Variants in PDE1C observed in about 807,000 individuals in gnomAD.
The protein encoded by PDE1C is phosphodiesterase 1C.
PDE1C carries 62 observed loss-of-function variants against 93.1 expected under a neutral mutation model. That is an observed-to-expected ratio of 0.67 (90% confidence interval 0.54 to 0.82). The LOEUF (loss-of-function observed/expected upper bound fraction) is 0.82. PDE1C is among the 40% of genes least tolerant of loss of function. PDE1C has a pLI of 0.00. For missense variants in PDE1C, 742 were observed against 884.6 expected (o/e 0.84, Z 2.04); for synonymous variants, 325 against 310.1 (o/e 1.05, Z -0.50).
chr7:32,271,055 T>C (rs1395959754), intron 1 of PDE1C, among the ~76,000 whole-genome samples: 2 of 152,072 alleles, frequency 1.3e-5, no homozygotes, highest in Non-Finnish European at 2.9e-5. Context: ...GGAGAATCAC[T>C]TGAACCCAGG....
rs1583449896 is a variant in PDE1C, at chr7:31,815,802, C to T, written c.1813+122G>A. ...CCCAATGAGGTGGGATCAGAAGGAA[C>T]TGGATGAGCAGGGAAGCCTTGCCCT... On this transcript the variant is annotated intron_variant, in intron 15 of 17. Coordinates refer to ENST00000396191, the MANE Select transcript of PDE1C (RefSeq NM_001191057.4). The T allele has an allele frequency of 5.4e-6, 4 of 740,058 alleles. No individual in the cohort carries two copies. In the East Asian group the frequency reaches 7.4e-5, roughly 14 times the overall value. 45.8% of individuals were successfully genotyped at this position (740,058 alleles called of 1,614,324 possible).
rs564188518 is a variant in PDE1C at position 31,823,600 on chromosome 7, C to T, written c.1407-352G>A. On this transcript the variant is annotated intron_variant, in intron 13 of 17. Coordinates refer to ENST00000396191, the MANE Select transcript of PDE1C (RefSeq NM_001191057.4). ...GAACTGGGACATCTACTTAATTCCA[C>T]AGTTCACCTACCTGCTTCCACACTG... 3.6e-4 allele frequency among the ~76,000 whole-genome samples: 55 copies of T among 152,226 alleles called. No homozygotes were observed. In the South Asian group the frequency reaches 9.5e-3, roughly 26 times the overall value.
rs1416281357 is a variant in PDE1C at position 31,887,416 on chromosome 7, A to G, written c.129-6556T>C. Among the ~76,000 whole-genome samples, 4 of 152,346 alleles carry G rather than the reference A, an allele frequency of 2.6e-5. No homozygotes were observed. In the East Asian group the frequency reaches 7.7e-4, roughly 29 times the overall value. ...GTTTCTAATTACATCTGCTTAAAGC[A>G]GATGCACACATGGATTGAAATAAAT... On this transcript the variant is annotated intron_variant, in intron 2 of 17. Coordinates refer to ENST00000396191, the MANE Select transcript of PDE1C (RefSeq NM_001191057.4).
intron 16 of PDE1C, among the ~76,000 whole-genome samples, chr7:31,781,799 A>G (rs920153480): frequency 2.0e-5 from 3 of 150,898 alleles, no homozygotes; most frequent in Non-Finnish European, 4.4e-5. Flanking sequence ...TACAACCACC[A>G]TCAATACTAG....
chr7:32,298,042 C>CTCTG (rs1562660469), intron 1 of PDE1C, among the ~76,000 whole-genome samples: 9 of 70,316 alleles, frequency 1.3e-4, no homozygotes, highest in South Asian at 7.0e-4. Context: ...CTCTCTCTCT[C>CTCTG]TCTCTCTCTC....
chr7:32,056,862 A>G (rs1794192794), intron 1 of PDE1C, among the ~76,000 whole-genome samples: 2 of 152,310 alleles, frequency 1.3e-5, no homozygotes, highest in South Asian at 4.2e-4. Flanking sequence ...TTATCTTGGA[A>G]CACTTGAACC....
chr7:32,103,114 T>C, intron 3 of PDE1C, among the ~76,000 whole-genome samples: 1 of 152,088 alleles, frequency 6.6e-6, no homozygotes, highest in East Asian at 1.9e-4. Context: ...CAGAGTTTTA[T>C]CACCTCAACT....
At chr7:32,080,584 C>A (rs973417603) in intron 3 of PDE1C, among the ~76,000 whole-genome samples, 4 of 152,172 alleles carry the variant, frequency 2.6e-5, no homozygotes, top group Non-Finnish European at 5.9e-5. Context: ...TTTCAGCTAT[C>A]TGGCGGAGAA....
At chr7:32,387,691 ACCTC>A (rs1784662941) in intron 1 of PDE1C, among the ~76,000 whole-genome samples, 1 of 80,400 alleles carries the variant, frequency 1.2e-5, no homozygotes, top group East Asian at 4.0e-4. Flanking sequence ...GACCCCCCCC[ACCTC>A]CCTCCCGGAC....
Position 31,967,105 on chromosome 7 carries a change from A to C in PDE1C, c.128+84449T>G, listed in dbSNP as rs575314460. On this transcript the variant is annotated intron_variant, in intron 2 of 17. Transcript: ENST00000396191. ...GCTAGCAGAAGGCAAGAATTAACTA[A>C]GATCAGAGCAGAACTGAAGGAAATA... is the stretch of plus-strand genomic sequence containing the variant. Among the ~76,000 whole-genome samples, 3 of 152,344 alleles carry C rather than the reference A, an allele frequency of 2.0e-5. No individual in the cohort carries two copies. The East Asian group carries it at 5.8e-4, about 29-fold the overall frequency.
chr7:32,063,681 AAT>A, intron 1 of PDE1C, among the ~76,000 whole-genome samples: 1 of 152,326 alleles, frequency 6.6e-6, no homozygotes, highest in African/African-American at 2.4e-5. Context: ...TTTCCCCTTT[AAT>A]ATACATTAAG....
chr7:32,340,127 G>A (rs1206807287), intron 1 of PDE1C, among the ~76,000 whole-genome samples: 1 of 152,086 alleles, frequency 6.6e-6, no homozygotes, highest in Non-Finnish European at 1.5e-5. Flanking sequence ...TACCAGAGTG[G>A]GAGCATTAAA....
In PDE1C at chr7:32,420,122, TATACACAC is replaced by T. The variant is rs1381295800; in HGVS notation, c.310+7692_310+7699del. On this transcript the variant is annotated intron_variant, in intron 1 of 1. Transcript: ENST00000672256. ...ATATATATATATATATATATATATA[TATACACAC>T]ACACACACACACACACACACACACA... Among the ~76,000 whole-genome samples, 20 of 19,564 alleles carry T rather than the reference TATACACAC, an allele frequency of 1.0e-3. 1 individual carries two copies. In the South Asian group the frequency reaches 0.01, roughly 10 times the overall value. The allele number at this position is 19,564 out of a possible 152,430, so 12.8% of individuals were successfully genotyped here.
chr7:31,815,903 C>T (rs372289304), intron 15 of PDE1C, 21 bp downstream of exon 15: 19 of 1,533,402 alleles, frequency 1.2e-5, no homozygotes, highest in Non-Finnish European at 1.6e-5. Context: ...AAGAGCCCTT[C>T]ACCAGTGTAA....
intron 17 of PDE1C, among the ~76,000 whole-genome samples, chr7:31,755,628 C>T (rs2128598776): frequency 6.6e-6 from 1 of 151,938 alleles, no homozygotes; most frequent in South Asian, 2.1e-4. Context: ...ACAAAGGAGC[C>T]CTGAATGAAA....
intron 1 of PDE1C, among the ~76,000 whole-genome samples, chr7:32,396,442 C>A (rs1784840992): frequency 6.6e-6 from 1 of 151,076 alleles, no homozygotes; most frequent in Non-Finnish European, 1.5e-5. Context: ...CATGCCACTG[C>A]ACTCCAGCCT....
At chr7:32,396,398 A>G (rs1784839978) in intron 1 of PDE1C, among the ~76,000 whole-genome samples, 1 of 152,162 alleles carries the variant, frequency 6.6e-6, no homozygotes, top group Admixed American at 6.5e-5. Flanking sequence ...GGATCACTTG[A>G]GCCCAGGAGG....
intron 2 of PDE1C, among the ~76,000 whole-genome samples, chr7:31,927,937 A>T (rs1181414120): frequency 6.6e-6 from 1 of 152,154 alleles, no homozygotes; most frequent in African/African-American, 2.4e-5. Context: ...ATGGAGAATG[A>T]GTTTGACGAA....
chr7:31,655,379 C>T, the PDE1C span, among the ~76,000 whole-genome samples: 1 of 152,170 alleles, frequency 6.6e-6, no homozygotes, highest in African/African-American at 2.4e-5. Context: ...AACGAATTAC[C>T]TGGCGACAGT....
Sources: gnomAD v4.1 joint callset for allele counts (sites outside exome capture counted in the v4.1 genomes callset) on GRCh38, gnomAD v4.1.1 for gene constraint, MANE v1.5 for transcripts, NCBI Gene and HGNC (gene_info 2026-07-23, HGNC 2026-07-21) for gene names.